The following ZBTB37 variants were observed in gnomAD, a reference collection of about 807,000 sequenced individuals.
ZBTB37 encodes the protein zinc finger and BTB domain containing 37, also known as zinc finger and BTB domain-containing protein 37.
ZBTB37 carries 15 observed loss-of-function variants against 37.7 expected under a neutral mutation model. That is an observed-to-expected ratio of 0.40 (90% CI 0.27 to 0.61). ZBTB37 has a LOEUF of 0.61. Among genes scored for constraint, ZBTB37 ranks in the 20% least tolerant of loss-of-function variants. The pLI is 0.44. For missense variants in ZBTB37, 514 were observed against 641.9 expected (o/e 0.80, Z 2.15); for synonymous variants, 231 against 220.6 (o/e 1.05, Z -0.42).
chr1:173,891,846 G>A (rs889371395), exon 4 of ZBTB37: 1 of 152,172 alleles, frequency 6.6e-6, no homozygotes, highest in Non-Finnish European at 1.5e-5. Context: ...GATCTATCTT[G>A]ACAAAGTTTT....
At chr1:173,901,883 A>G (rs1394111997) in exon 4 of ZBTB37, 1 of 152,240 alleles carries the variant, frequency 6.6e-6, no homozygotes, top group African/African-American at 2.4e-5. Flanking sequence ...ACATAGTCTG[A>G]AAGAAATCTA....
At chr1:173,877,373 CTTTTTTT>C (rs58043559) in intron 4 of ZBTB37, among the ~76,000 whole-genome samples, 5 of 87,794 alleles carry the variant, frequency 5.7e-5, no homozygotes, top group East Asian at 6.2e-4. Flanking sequence ...GATTTTCTTT[CTTTTTTT>C]TTTTTTTTTT....
At chr1:173,873,638 G>A (rs756966229) in intron 4 of ZBTB37, 72 bp downstream of exon 4, 3 of 1,582,880 alleles carry the variant, frequency 1.9e-6, no homozygotes, top group Admixed American at 3.6e-5. Flanking sequence ...AGAAAATAAT[G>A]AAAAAGAAAA....
chr1:173,875,054 A>G (rs1010763614), intron 4 of ZBTB37, among the ~76,000 whole-genome samples: 4 of 151,900 alleles, frequency 2.6e-5, no homozygotes, highest in South Asian at 4.2e-4. Flanking sequence ...AAATAATCCC[A>G]GAAAACCACA....
intron 2 of ZBTB37, among the ~76,000 whole-genome samples, chr1:173,869,612 A>G (rs998042319): frequency 3.3e-5 from 5 of 151,102 alleles, no homozygotes; most frequent in Non-Finnish European, 7.4e-5. Context: ...GATTTTTCCT[A>G]GAGTTTGCTT....
chr1:173,886,316 C>T, exon 5 of ZBTB37: 3 of 806,990 alleles, frequency 3.7e-6, no homozygotes, highest in Non-Finnish European at 5.5e-6. Context: ...TTATTGCCCG[C>T]CTCACACTTT....
chr1:173,874,742 C>G (rs1341637481), intron 4 of ZBTB37, among the ~76,000 whole-genome samples: 1 of 152,184 alleles, frequency 6.6e-6, no homozygotes, highest in African/African-American at 2.4e-5. Context: ...GCTACCACCA[C>G]TTCTACCCAG....
At chr1:173,885,647 A>G in exon 5 of ZBTB37, 3 of 1,551,204 alleles carry the variant, frequency 1.9e-6, no homozygotes, top group Middle Eastern at 1.7e-4. Flanking sequence ...TAGAAGAGTC[A>G]GCAATGATGG....
exon 4 of ZBTB37, chr1:173,898,514 C>G (rs991643316): frequency 6.6e-6 from 1 of 152,036 alleles, no homozygotes; most frequent in Non-Finnish European, 1.5e-5. Flanking sequence ...CTCAGCCTCC[C>G]CAAAGTGATA....
At chr1:173,870,568 A>G (rs1655478292) in exon 3 of ZBTB37, 2 of 1,614,230 alleles carry the variant, frequency 1.2e-6, no homozygotes, top group Non-Finnish European at 8.5e-7. Context: ...GCAGCATATT[A>G]TAGACAAATG....
At chr1:173,897,717 C>G (rs1018160148) in exon 4 of ZBTB37, 4 of 152,202 alleles carry the variant, frequency 2.6e-5, no homozygotes, top group African/African-American at 9.7e-5. Flanking sequence ...GGGCAGGAAG[C>G]TGGATTCCTC....
chr1:173,870,258 T>A lies in ZBTB37; in HGVS notation c.33T>A (p.Ile11=), dbSNP rs773244972. 16 of 1,613,872 alleles carry A rather than the reference T, an allele frequency of 9.9e-6. No homozygotes were observed. The South Asian group carries it at 1.8e-4, about 18-fold the overall frequency. Residue 11 remains isoleucine, a synonymous_variant, in exon 3 of 5, where the codon ATT becomes ATA. Coordinates refer to ENST00000427304, the Ensembl canonical transcript of ZBTB37. ...AAGGTGGGAACATACAATTGGAGAT[T>A]CCTGACTTCAGCAACTCTGTCCTGA... is the stretch of plus-strand genomic sequence containing the variant.
intron 4 of ZBTB37, among the ~76,000 whole-genome samples, chr1:173,879,016 G>T (rs576297916): frequency 1.3e-5 from 2 of 151,608 alleles, no homozygotes; most frequent in East Asian, 3.9e-4. Flanking sequence ...GTTTGAACCC[G>T]GGAGGTGGAG....
chr1:173,876,154 A>G (rs926895101), intron 4 of ZBTB37, among the ~76,000 whole-genome samples: 12 of 151,238 alleles, frequency 7.9e-5, no homozygotes, highest in African/African-American at 2.9e-4. Flanking sequence ...TGATTGAATG[A>G]TTTTTTTTAA....
At chr1:173,892,808 G>A (rs193041059) in exon 4 of ZBTB37, 6 of 152,190 alleles carry the variant, frequency 3.9e-5, no homozygotes, top group African/African-American at 1.2e-4. Flanking sequence ...AAGCAAAGCA[G>A]TTAATGAAAA....
At chr1:173,887,111 TA>T (rs1476381751), downstream of ZBTB37, 2 of 152,372 alleles carry the variant, frequency 1.3e-5, no homozygotes, top group East Asian at 3.9e-4. Flanking sequence ...GCCTGGATTG[TA>T]TTTTTAAATC....
chr1:173,878,181 C>G (rs1411230242), intron 4 of ZBTB37, among the ~76,000 whole-genome samples: 6 of 152,208 alleles, frequency 3.9e-5, no homozygotes. Flanking sequence ...CCTAACTGCT[C>G]CAGTCCTCTT....
chr1:173,876,147 T>G (rs1207994132), intron 4 of ZBTB37, among the ~76,000 whole-genome samples: 1 of 151,984 alleles, frequency 6.6e-6, no homozygotes, highest in Non-Finnish European at 1.5e-5. Flanking sequence ...ACAGGTCTGA[T>G]TGAATGATTT....
At chr1:173,897,149 T>C (rs906900400) in exon 4 of ZBTB37, 5 of 152,198 alleles carry the variant, frequency 3.3e-5, no homozygotes, top group African/African-American at 4.8e-5. Flanking sequence ...AAATAACTTA[T>C]GGGAAGTTTG....
Sources: gnomAD v4.1 joint callset for allele counts (sites outside exome capture counted in the v4.1 genomes callset) on GRCh38, gnomAD v4.1.1 for gene constraint, MANE v1.5 for transcripts, NCBI Gene and HGNC (gene_info 2026-07-23, HGNC 2026-07-21) for gene names.